ARIH2: variants seen among roughly 807,000 people sequenced by gnomAD.
ARIH2 encodes the protein ariadne RBR E3 ubiquitin protein ligase 2.
In ARIH2, 12 loss-of-function variants were observed where a neutral mutation model predicts 79.8. The observed-to-expected ratio is 0.15, with a 90% CI of 0.10 to 0.24. ARIH2 has a LOEUF of 0.24. Among genes scored for constraint, ARIH2 ranks in the 10% least tolerant of loss-of-function variants. The pLI is 1.00. For synonymous variants in ARIH2, 224 were observed against 213.9 expected (o/e 1.05, Z -0.41); for missense variants, 301 against 618.3 (o/e 0.49, Z 5.44).
intron 3 of ARIH2, among the ~76,000 whole-genome samples, chr3:48,933,798 G>A (rs2086733634): frequency 6.6e-6 from 1 of 151,248 alleles, no homozygotes; most frequent in South Asian, 2.1e-4. Flanking sequence ...TGATCCACCC[G>A]CCTCAGCCTC....
chr3:48,929,312 T>TGTCCGTCC (rs920016480), intron 3 of ARIH2, among the ~76,000 whole-genome samples: 1 of 151,960 alleles, frequency 6.6e-6, no homozygotes, highest in Admixed American at 6.6e-5. Flanking sequence ...CCCAAGCACC[T>TGTCCGTCC]GTCCGTCCGT....
chr3:48,975,912 T>C (rs528384588), intron 11 of ARIH2, among the ~76,000 whole-genome samples: 1 of 149,756 alleles, frequency 6.7e-6, no homozygotes, highest in African/African-American at 2.5e-5. Flanking sequence ...CCAGGAACCC[T>C]CTTTTCTTTA....
chr3:48,925,525 G>A (rs571211133), intron 2 of ARIH2, among the ~76,000 whole-genome samples: 10 of 151,520 alleles, frequency 6.6e-5, no homozygotes, highest in South Asian at 2.1e-4. Context: ...GCCTTCCAAA[G>A]TTCTGGGATT....
intron 3 of ARIH2, among the ~76,000 whole-genome samples, chr3:48,941,236 T>G (rs1227889508): frequency 6.6e-6 from 1 of 151,976 alleles, no homozygotes; most frequent in African/African-American, 2.4e-5. Flanking sequence ...CCCAAAGGGT[T>G]ATTGACATTG....
chr3:48,956,104 T>A (rs1019700466), intron 3 of ARIH2, among the ~76,000 whole-genome samples: 1 of 152,120 alleles, frequency 6.6e-6, no homozygotes, highest in Non-Finnish European at 1.5e-5. Flanking sequence ...TCCAATCTTC[T>A]GTGTACTATC....
chr3:48,925,454 G>A (rs1339236515), intron 2 of ARIH2, among the ~76,000 whole-genome samples: 2 of 150,372 alleles, frequency 1.3e-5, no homozygotes, highest in Non-Finnish European at 3.0e-5. Flanking sequence ...TAGAGACATG[G>A]TCTCACTAGG....
At chr3:48,936,969 G>A (rs969513640) in intron 3 of ARIH2, among the ~76,000 whole-genome samples, 12 of 143,708 alleles carry the variant, frequency 8.4e-5, no homozygotes, top group Non-Finnish European at 1.4e-4. Context: ...TGGAGCTTGC[G>A]GTGAGCCAAG....
At chr3:48,940,344 A>T (rs747967291) in intron 3 of ARIH2, among the ~76,000 whole-genome samples, 16 of 152,072 alleles carry the variant, frequency 1.1e-4, no homozygotes, top group South Asian at 4.1e-4. Flanking sequence ...ATAGATAGAT[A>T]GATTGATTTT....
chr3:48,939,356 G>A (rs1470458090), intron 3 of ARIH2, among the ~76,000 whole-genome samples: 1 of 152,116 alleles, frequency 6.6e-6, no homozygotes, highest in African/African-American at 2.4e-5. Context: ...GGGCCCTTGA[G>A]TCTGGAGTAA....
intron 3 of ARIH2, among the ~76,000 whole-genome samples, chr3:48,947,252 C>T (rs896150078): frequency 2.6e-5 from 4 of 151,984 alleles, no homozygotes; most frequent in East Asian, 1.9e-4. Flanking sequence ...ACCAGCCTGA[C>T]CAAAATGGAG....
intron 3 of ARIH2, among the ~76,000 whole-genome samples, chr3:48,956,439 C>CTTTTTTTTTTT (rs34693818): frequency 5.5e-5 from 2 of 36,258 alleles, no homozygotes; most frequent in African/African-American, 1.1e-4. Context: ...GCGCCCGGCA[C>CTTTTTTTTTTT]TTTTTTTTTT....
intron 3 of ARIH2, among the ~76,000 whole-genome samples, chr3:48,957,086 T>G (rs1461950572): frequency 6.6e-6 from 1 of 152,224 alleles, no homozygotes; most frequent in Non-Finnish European, 1.5e-5. Context: ...ACTGTCCATT[T>G]TATAAAGTGG....
intron 3 of ARIH2, among the ~76,000 whole-genome samples, chr3:48,936,203 T>C (rs373472074): frequency 9.2e-5 from 14 of 152,136 alleles, no homozygotes; most frequent in African/African-American, 3.4e-4. Flanking sequence ...TAATTATCTT[T>C]TTTTTTTTCT....
chr3:48,954,291 C>G (rs1215642017), intron 3 of ARIH2, among the ~76,000 whole-genome samples: 1 of 151,774 alleles, frequency 6.6e-6, no homozygotes, highest in African/African-American at 2.4e-5. Context: ...CCCGTCTCTA[C>G]TAAGGCATCG....
chr3:48,956,328 G>T (rs946137033), intron 3 of ARIH2, among the ~76,000 whole-genome samples: 4 of 151,086 alleles, frequency 2.6e-5, no homozygotes, highest in Admixed American at 1.3e-4. Context: ...TAGTAGAGAC[G>T]GGGTTTCACC....
chr3:48,942,298 G>A (rs1382439236), intron 3 of ARIH2, among the ~76,000 whole-genome samples: 3 of 151,986 alleles, frequency 2.0e-5, no homozygotes, highest in Non-Finnish European at 2.9e-5. Flanking sequence ...AGATCTGCCC[G>A]CTTCAGCCTC....
chr3:48,963,096 T>C (rs2091443599), intron 4 of ARIH2, among the ~76,000 whole-genome samples: 1 of 152,194 alleles, frequency 6.6e-6, no homozygotes, highest in African/African-American at 2.4e-5. Flanking sequence ...TTCTCCGGGC[T>C]GAACACAACT....
At chr3:48,967,626 C>G (rs1203667522) in intron 6 of ARIH2, among the ~76,000 whole-genome samples, 1 of 152,172 alleles carries the variant, frequency 6.6e-6, no homozygotes, top group African/African-American at 2.4e-5. Context: ...TAACATAGCA[C>G]AAATCAAATT....
intron 3 of ARIH2, among the ~76,000 whole-genome samples, chr3:48,939,290 G>T (rs942658355): frequency 1.3e-5 from 2 of 151,944 alleles, no homozygotes; most frequent in African/African-American, 4.8e-5. Flanking sequence ...GAGATAAACT[G>T]CAGAGAAATA....
Sources: gnomAD v4.1 joint callset for allele counts (sites outside exome capture counted in the v4.1 genomes callset) on GRCh38, gnomAD v4.1.1 for gene constraint, MANE v1.5 for transcripts, NCBI Gene and HGNC (gene_info 2026-07-23, HGNC 2026-07-21) for gene names.